The following KDM3A variants were observed in gnomAD, a reference collection of about 807,000 sequenced individuals.
The protein encoded by KDM3A is lysine demethylase 3A, also known as lysine-specific demethylase 3A.
A neutral mutation model predicts 158.0 loss-of-function variants in KDM3A; 60 were observed. The ratio of observed to expected loss-of-function variants is 0.38; its 90% confidence interval spans 0.31 to 0.47. The LOEUF is 0.47. Among genes scored for constraint, KDM3A ranks in the 20% least tolerant of loss-of-function variants. The pLI, the probability that KDM3A is intolerant of heterozygous loss-of-function variation, is 0.99. For synonymous variants in KDM3A, 608 were observed against 549.3 expected, an observed-to-expected ratio of 1.11 and a Z score of -1.49; for missense variants, 1,319 against 1,574.3, an observed-to-expected ratio of 0.84 and a Z score of 2.74.
chr2:86,439,201 G>C (rs1162341582), upstream of KDM3A, among the ~76,000 whole-genome samples: 2 of 151,970 alleles, frequency 1.3e-5, no homozygotes, highest in Non-Finnish European at 2.9e-5. Context: ...CAATGTGACT[G>C]CATGCTCTAT....
At chr2:86,471,080 A>C (rs11127042) in intron 11 of KDM3A, among the ~76,000 whole-genome samples, 116,043 of 151,924 alleles carry the variant, frequency 0.76, 44,639 homozygotes, top group East Asian at 0.96. Context: ...AAGTTATCCT[A>C]CAGGAAGGTC....
intron 8 of KDM3A, among the ~76,000 whole-genome samples, chr2:86,457,934 T>C (rs1412767329): frequency 6.6e-6 from 1 of 152,184 alleles, no homozygotes; most frequent in Non-Finnish European, 1.5e-5. Context: ...CTCTTTTAGG[T>C]GAATTAAATC....
In KDM3A at chr2:86,456,831, G is replaced by A. The variant is rs775101239; in HGVS notation, c.708G>A (p.Pro236=). ...TTCCAGCACTGAAAATTGTTGATCCGTCACTGATTCATGTTGAAGTTGTAC... is the reference window on the plus strand; with the variant it reads ...TTCCAGCACTGAAAATTGTTGATCCATCACTGATTCATGTTGAAGTTGTAC... ...EEIPALKIVD[P]SLIHVEVVHD... Residue 236 remains proline (P), a synonymous_variant, in exon 7 of 26, where the codon CCG becomes CCA. Coordinates refer to ENST00000312912, the MANE Select transcript of KDM3A (RefSeq NM_018433.6). The A allele has an allele frequency of 2.9e-5, 46 of 1,612,000 alleles. No homozygotes were observed. Among genetic ancestry groups the A allele is most frequent in the Non-Finnish European group, 3.4e-5 (40 of 1,178,586 alleles).
chr2:86,483,768 C>T (rs1481836309), intron 18 of KDM3A: 4 of 416,846 alleles, frequency 9.6e-6, no homozygotes, highest in South Asian at 3.9e-5. Flanking sequence ...TAGATGCTTA[C>T]CCATGTAGTT....
intron 11 of KDM3A, among the ~76,000 whole-genome samples, chr2:86,473,025 C>T (rs1329887423): frequency 2.0e-5 from 3 of 152,182 alleles, no homozygotes; most frequent in Non-Finnish European, 4.4e-5. Flanking sequence ...CAGCAGTCAG[C>T]ACTTCCTCCT....
At chr2:86,444,427 C>G (rs1682871644) in intron 2 of KDM3A, among the ~76,000 whole-genome samples, 1 of 152,088 alleles carries the variant, frequency 6.6e-6, no homozygotes, top group Admixed American at 6.5e-5. Flanking sequence ...TCACTGCATT[C>G]CTTAGTTGAG....
rs1673753181 is a variant in KDM3A, at chr2:86,478,213, T to A, written c.2136T>A (p.Ser712Arg). The A allele has an allele frequency of 3.1e-6, 5 of 1,613,932 alleles. No individual in the cohort carries two copies. The highest frequency in any genetic ancestry group is 4.2e-6 in the Non-Finnish European group (5 of 1,179,918). ...TCTCTTGGCTAAAATGTGTGAAGAGTCAGATACATGAACCAGAGAACTTAA... is the reference window on the plus strand; with the variant it reads ...TCTCTTGGCTAAAATGTGTGAAGAGACAGATACATGAACCAGAGAACTTAA... ...KTFSWLKCVK[S>R]QIHEPENLMP... The change falls in exon 14 of 26, where the codon AGT (serine) becomes AGA (arginine). Residue 712 changes from serine to arginine, a missense_variant. Physicochemically the swap from Ser to Arg is moderately radical, Grantham distance 110. Transcript: ENST00000312912.
chr2:86,480,921 C>T (rs1673894397), intron 16 of KDM3A, among the ~76,000 whole-genome samples: 1 of 152,188 alleles, frequency 6.6e-6, no homozygotes, highest in African/African-American at 2.4e-5. Context: ...GATGCCCAAT[C>T]ATCAATACTG....
chr2:86,490,453 C>G (rs1050034684), intron 23 of KDM3A: 3 of 154,652 alleles, frequency 1.9e-5, no homozygotes, highest in African/African-American at 7.2e-5. Context: ...CTCTGAGTCT[C>G]TGCTTTACCA....
chr2:86,473,664 T>C (rs1370706738), intron 11 of KDM3A, among the ~76,000 whole-genome samples: 1 of 152,084 alleles, frequency 6.6e-6, no homozygotes, highest in Non-Finnish European at 1.5e-5. Flanking sequence ...GTGGGAGGAT[T>C]GCTGAAGTCT....
chr2:86,475,610 T>C (rs899666697), intron 12 of KDM3A, among the ~76,000 whole-genome samples: 3 of 152,182 alleles, frequency 2.0e-5, no homozygotes, highest in African/African-American at 7.2e-5. Context: ...CATCTCAAGC[T>C]AGGATGTTTG....
intron 25 of KDM3A, chr2:86,491,746 G>T (rs1402013943): frequency 8.1e-6 from 3 of 370,428 alleles, no homozygotes; most frequent in African/African-American, 2.1e-5. Context: ...AGGGAAAAAT[G>T]ATAAAAGCTG....
chr2:86,440,207 C>T (rs1354586521), upstream of KDM3A, among the ~76,000 whole-genome samples: 1 of 152,010 alleles, frequency 6.6e-6, no homozygotes, highest in Non-Finnish European at 1.5e-5. Context: ...ACTTTAAAAA[C>T]TTAAAATCAC....
At chr2:86,456,765 T>G (rs1231689711) in intron 6 of KDM3A, 40 bp from the exon 7 acceptor site, 1 of 1,515,586 alleles carries the variant, frequency 6.6e-7, no homozygotes, top group Admixed American at 1.7e-5. Flanking sequence ...TTCTTGAGCA[T>G]TTTTTATTTT....
At chr2:86,450,564 G>A (rs1331549656) in intron 3 of KDM3A, among the ~76,000 whole-genome samples, 1 of 152,208 alleles carries the variant, frequency 6.6e-6, no homozygotes, top group Non-Finnish European at 1.5e-5. Flanking sequence ...GCTGTCTGGA[G>A]AGGGCACTTT....
At chr2:86,491,492 A>G (rs1261850061) in intron 25 of KDM3A, 9 of 555,812 alleles carry the variant, frequency 1.6e-5, no homozygotes, top group Admixed American at 3.1e-5. Context: ...TTTAGAATCT[A>G]TAAGGGACTG....
Position 86,481,942 on chromosome 2 carries a change from C to G in KDM3A, c.2525C>G (p.Thr842Arg). ...VNKENKEKQP[T>R]MPILKNEIKC... ...GGTTTTATTTTAGAAAAACAACCAA[C>G]AATGCCAATTTTAAAGAATGAAATC... The change falls in exon 17 of 26, where the codon ACA becomes AGA. Residue 842 changes from threonine (T) to arginine (R), a missense_variant. This residue lies in a region of KDM3A where 368 missense variants were observed against 415.8 expected (regional missense o/e 0.89). Transcript: ENST00000312912. 1 of 1,609,732 alleles carries G rather than the reference C, an allele frequency of 6.2e-7. No individual in the cohort carries two copies. The highest frequency in any genetic ancestry group is 8.5e-7 in the Non-Finnish European group (1 of 1,178,218).
intron 10 of KDM3A, among the ~76,000 whole-genome samples, chr2:86,467,967 G>A (rs1042819798): frequency 3.0e-4 from 46 of 152,136 alleles, no homozygotes; most frequent in Admixed American, 8.5e-4. Flanking sequence ...TGGAGGCTGC[G>A]GTGAGTTATG....
chr2:86,457,837 G>C (rs1423183030), intron 8 of KDM3A, among the ~76,000 whole-genome samples: 2 of 152,222 alleles, frequency 1.3e-5, no homozygotes, highest in Non-Finnish European at 2.9e-5. Flanking sequence ...GTCCAGAAAA[G>C]TATAGGCTTT....
Sources: gnomAD v4.1 joint callset for allele counts (sites outside exome capture counted in the v4.1 genomes callset) on GRCh38, gnomAD v4.1.1 for gene constraint, gnomAD v4.1.1 regional missense constraint, MANE v1.5 for transcripts, NCBI Gene and HGNC (gene_info 2026-07-23, HGNC 2026-07-21) for gene names.